MLH3: variants seen among roughly 807,000 people sequenced by gnomAD.
The protein encoded by MLH3 is DNA mismatch repair protein Mlh3.
Under a neutral mutation model 122.2 loss-of-function variants are expected in MLH3, and 82 were observed. The ratio of observed to expected loss-of-function variants is 0.67; its 90% CI spans 0.56 to 0.81. The LOEUF is 0.81. MLH3 is among the 30% of genes least tolerant of loss of function. MLH3 has a pLI of 0.00. For missense variants in MLH3, 1,539 were observed against 1,714.5 expected (o/e 0.90, Z 1.81); for synonymous variants, 524 against 599.5 (o/e 0.87, Z 1.84).
Position 75,049,658 on chromosome 14 carries a change from T to C in MLH3, c.-3A>G, listed in dbSNP as rs146166860. The C allele has an allele frequency of 9.9e-5, 159 of 1,613,446 alleles. 1 individual carries two copies. In the African/African-American group the frequency reaches 1.8e-3, roughly 18 times the overall value. ...TCAACTGACAAGCACTTGATCATGG[T>C]AGGTAGAAAGATGGTGAGAATGCCA... is the stretch of plus-strand genomic sequence containing the variant. On this transcript the variant is annotated 5_prime_UTR_variant, in exon 2 of 13. Transcript: ENST00000355774.
intron 11 of MLH3, chr14:75,019,182 C>T (rs552293438): frequency 7.8e-5 from 43 of 548,090 alleles, no homozygotes; most frequent in South Asian, 3.4e-4. Context: ...GAGGCTGAGG[C>T]GGGCAGATCA....
At chr14:75,028,578 T>C (rs927942431) in intron 9 of MLH3, among the ~76,000 whole-genome samples, 2 of 151,820 alleles carry the variant, frequency 1.3e-5, no homozygotes, top group African/African-American at 4.8e-5. Context: ...CCATCATGCC[T>C]GGCTAATTTT....
chr14:75,049,580 C>A lies in MLH3; in HGVS notation c.76G>T (p.Val26Phe), dbSNP rs964651295. The part of the protein sequence containing the change: ...GLAISSLGQC[V>F]EELALNSIDA... ...ATACTGTTGAGGGCAAGTTCCTCAACACATTGGCCCAAGGAGCTTATGGCC... is the reference window on the plus strand; with the variant it reads ...ATACTGTTGAGGGCAAGTTCCTCAAAACATTGGCCCAAGGAGCTTATGGCC... Residue 26 changes from valine to phenylalanine, a missense_variant, in exon 2 of 13, where the codon GTT becomes TTT. Physicochemically the swap from Val to Phe is conservative, Grantham distance 50. Transcript: ENST00000355774. 5 of 1,614,206 alleles carry A rather than the reference C, an allele frequency of 3.1e-6. No homozygotes were observed. Among genetic ancestry groups the A allele is most frequent in the Non-Finnish European group, 3.4e-6 (4 of 1,180,028 alleles).
rs750951222 is a variant in MLH3 at position 75,047,919 on chromosome 14, T to C, written c.1737A>G (p.Thr579=). Residue 579 remains threonine (T), a synonymous_variant, in exon 2 of 13, where the codon ACA becomes ACG. Coordinates refer to ENST00000355774, the MANE Select transcript of MLH3 (RefSeq NM_001040108.2). ...TTLWGVHSAQ[T]EKEKKKESSN... is the part of the protein sequence containing the mutation. ...TAGATTCTTTTTTTTTCTCTTTCTC[T>C]GTCTGAGCACTATGTACTCCCCATA... 8 of 1,613,728 alleles carry C rather than the reference T, an allele frequency of 5.0e-6. No individual in the cohort carries two copies. Among genetic ancestry groups the C allele is most frequent in the Middle Eastern group, 1.6e-4 (1 of 6,084 alleles).
intron 6 of MLH3, among the ~76,000 whole-genome samples, chr14:75,036,931 C>A (rs1595063127): frequency 6.6e-6 from 1 of 152,280 alleles, no homozygotes; most frequent in African/African-American, 2.4e-5. Flanking sequence ...CTACAGTTAA[C>A]TGGGACTCCA....
In MLH3 at chr14:75,049,293, C is replaced by T. The variant is rs1892500116; in HGVS notation, c.363G>A (p.Val121=). 6.2e-7 allele frequency: 1 copy of T among 1,614,104 alleles called. No individual in the cohort carries two copies. The highest frequency in any genetic ancestry group is 8.5e-7 in the Non-Finnish European group (1 of 1,180,046). Residue 121 remains valine, a synonymous_variant, in exon 2 of 13, where the codon GTG becomes GTA. Coordinates refer to ENST00000355774, the MANE Select transcript of MLH3 (RefSeq NM_001040108.2). ...SKKNRTMKTF[V]KLFQSGKALK... ...GGGCTTTTCCACTCTGAAACAGTTT[C>T]ACAAAAGTTTTCATTGTCCTGTTTT... is the stretch of plus-strand genomic sequence containing the variant.
intron 11 of MLH3, among the ~76,000 whole-genome samples, chr14:75,019,372 T>C (rs1242528825): frequency 1.6e-5 from 2 of 127,944 alleles, no homozygotes; most frequent in South Asian, 2.4e-4. Context: ...ATCACGCCAC[T>C]GCACTCCAGC....
At chr14:75,042,780 T>C (rs919895845) in intron 2 of MLH3, among the ~76,000 whole-genome samples, 4 of 140,922 alleles carry the variant, frequency 2.8e-5, no homozygotes, top group South Asian at 2.2e-4. Context: ...CTTGAGACCC[T>C]TTTTTTTTTT....
At chr14:75,041,128 G>A (rs1430452979) in intron 4 of MLH3, among the ~76,000 whole-genome samples, 4 of 152,138 alleles carry the variant, frequency 2.6e-5, no homozygotes, top group Non-Finnish European at 5.9e-5. Flanking sequence ...CTAGTCACAG[G>A]TGCAATCAGC....
rs1287181375 is a variant in MLH3 at position 75,018,893 on chromosome 14, C to A, written c.4178G>T (p.Cys1393Phe). 2 of 1,614,160 alleles carry A rather than the reference C, an allele frequency of 1.2e-6. No homozygotes were observed. ...ALSSCQLPFQ[C>F]AHGRPSMLPL... ...CAGCATAGAAGGTCTCCCGTGAGCA[C>A]ACTGGAATGGCAGCTGGCATGAGGA... The change falls in exon 12 of 13, where the codon TGT becomes TTT. Residue 1393 changes from cysteine to phenylalanine, a missense_variant. Coordinates refer to ENST00000355774, the MANE Select transcript of MLH3 (RefSeq NM_001040108.2).
intron 2 of MLH3, among the ~76,000 whole-genome samples, chr14:75,045,591 A>T (rs963678800): frequency 2.0e-5 from 3 of 152,130 alleles, no homozygotes; most frequent in South Asian, 2.1e-4. Flanking sequence ...CTGGCCCTTA[A>T]CCTGGAAGCC....
chr14:75,031,102 G>C (rs547135666), intron 8 of MLH3, among the ~76,000 whole-genome samples: 2 of 152,260 alleles, frequency 1.3e-5, no homozygotes, highest in African/African-American at 2.4e-5. Flanking sequence ...CCTGACTAAC[G>C]GGATGTAAGT....
At chr14:75,035,090 A>T (rs893046294) in intron 6 of MLH3, among the ~76,000 whole-genome samples, 3 of 146,732 alleles carry the variant, frequency 2.0e-5, no homozygotes, top group African/African-American at 7.4e-5. Context: ...AAAAAAAGTA[A>T]AGAAAAAAAG....
rs141067131 is a variant in MLH3, at chr14:75,046,976, T to G, written c.2680A>C (p.Ser894Arg). The change falls in exon 2 of 13, where the codon AGT becomes CGT. Residue 894 changes from serine to arginine, a missense_variant. By Grantham distance (110) the Ser-to-Arg change is moderately radical. Coordinates refer to ENST00000355774, the MANE Select transcript of MLH3 (RefSeq NM_001040108.2). Reference protein sequence around the residue: ...ERETQTMGMMSRFNELPNSDS... With the variant: ...ERETQTMGMMRRFNELPNSDS... ...GAATTTGGAAGTTCATTAAAACGAC[T>G]CATCATCCCCATTGTTTGAGTTTCT... 1.9e-6 allele frequency: 3 copies of G among 1,614,200 alleles called. No individual in the cohort carries two copies. The highest frequency in any genetic ancestry group is 2.5e-6 in the Non-Finnish European group (3 of 1,180,030).
At chr14:75,031,914 C>A (rs1319994101) in intron 8 of MLH3, among the ~76,000 whole-genome samples, 154 bp downstream of exon 8, 3 of 152,204 alleles carry the variant, frequency 2.0e-5, no homozygotes, top group Non-Finnish European at 4.4e-5. Context: ...CTTTGAGTGC[C>A]TGCTCCACTA....
At chr14:75,037,866 G>A (rs966315703) in intron 6 of MLH3, among the ~76,000 whole-genome samples, 2 of 152,080 alleles carry the variant, frequency 1.3e-5, no homozygotes, top group Admixed American at 6.6e-5. Context: ...CACTCCCAAA[G>A]TAAATACTCT....
At position 75,046,429 on chromosome 14, in the gene MLH3, G is replaced by A; in HGVS notation, c.3227C>T (p.Ala1076Val). ...AGTTGTCAGGTCTTTAGTACAAGCA[G>A]CCTGAATGTCCTCAGTTGGGGCAAT... is the stretch of plus-strand genomic sequence containing the variant. ...TFIAPTEDIQ[A>V]ACTKDLTTVA... The change falls in exon 2 of 13, where the codon GCT (alanine) becomes GTT (valine). Residue 1076 changes from alanine to valine, a missense_variant. By Grantham distance (64) the Ala-to-Val change is moderately conservative. Transcript: ENST00000355774. The A allele has an allele frequency of 6.2e-7, 1 of 1,614,140 alleles. No individual in the cohort carries two copies. Among genetic ancestry groups the A allele is most frequent in the Non-Finnish European group, 8.5e-7 (1 of 1,180,008 alleles).
rs769260542 is a variant in MLH3 at position 75,047,495 on chromosome 14, T to C, written c.2161A>G (p.Arg721Gly). ...TTCCTACTATCATTGGAAACGTGTCTATACCAGGGGAAAGAGGGGGATGTA... is the reference window on the plus strand; with the variant it reads ...TTCCTACTATCATTGGAAACGTGTCCATACCAGGGGAAAGAGGGGGATGTA... Reference protein sequence around the residue: ...SDTSPSFPWYRHVSNDSRKTD... With the variant: ...SDTSPSFPWYGHVSNDSRKTD... Residue 721 changes from arginine to glycine, a missense_variant, in exon 2 of 13, where the codon AGA becomes GGA. Arg to Gly is a moderately radical substitution (Grantham distance 125). Coordinates refer to ENST00000355774, the MANE Select transcript of MLH3 (RefSeq NM_001040108.2). 2.5e-6 allele frequency: 4 copies of C among 1,614,174 alleles called. No homozygotes were observed. The South Asian group carries it at 4.4e-5, about 18-fold the overall frequency.
At chr14:75,033,600 A>G in intron 6 of MLH3, 110 bp from the exon 7 acceptor site, 2 of 793,922 alleles carry the variant, frequency 2.5e-6, no homozygotes, top group Non-Finnish European at 4.4e-6. Context: ...AGCATAAGAC[A>G]AAACATTCTG....
Sources: gnomAD v4.1 joint callset for allele counts (sites outside exome capture counted in the v4.1 genomes callset) on GRCh38, gnomAD v4.1.1 for gene constraint, MANE v1.5 for transcripts, NCBI Gene and HGNC (gene_info 2026-07-23, HGNC 2026-07-21) for gene names.